The following PICK1 variants were observed in gnomAD, a reference collection of about 807,000 sequenced individuals.
PICK1 encodes the protein PRKCA-binding protein.
Under a neutral mutation model 48.9 loss-of-function variants are expected in PICK1, and 23 were observed. That is an observed-to-expected ratio of 0.47 (90% CI 0.34 to 0.67). The LOEUF (loss-of-function observed/expected upper bound fraction) is 0.67. PICK1 is among the 30% of genes least tolerant of loss of function. PICK1 has a pLI of 0.01. For missense variants in PICK1, 423 were observed against 557.1 expected, an observed-to-expected ratio of 0.76 and a Z score of 2.42; for synonymous variants, 217 against 228.2, an observed-to-expected ratio of 0.95 and a Z score of 0.44.
intron 3 of PICK1, among the ~76,000 whole-genome samples, chr22:38,060,010 G>A (rs537319960): frequency 5.9e-5 from 9 of 152,282 alleles, no homozygotes; most frequent in East Asian, 1.9e-4. Flanking sequence ...TCAGGAGTTC[G>A]AGACCAGCCT....
At position 38,069,100 on chromosome 22, in the gene PICK1, G is replaced by C. The variant is rs751057062; in HGVS notation, c.417G>C (p.Leu139=). 4.5e-5 allele frequency: 73 copies of C among 1,611,426 alleles called. No individual in the cohort carries two copies. Among genetic ancestry groups the C allele is most frequent in the Non-Finnish European group, 5.8e-5 (68 of 1,179,038 alleles). Residue 139 remains leucine, a synonymous_variant, in exon 6 of 13, where the codon CTG becomes CTC. Transcript: ENST00000356976. Reference sequence around the variant, plus strand: ...CAGGGACCGCAGATGCTCTGGGCCTGAGCCGGGCCATCCTGTGCAATGGTG... The same window carrying C: ...CAGGGACCGCAGATGCTCTGGGCCTCAGCCGGGCCATCCTGTGCAATGGTG... ...MSSGTADALG[L]SRAILCNDGL...
intron 8 of PICK1, 162 bp downstream of exon 8, chr22:38,071,906 C>G (rs755173867): frequency 8.6e-6 from 6 of 700,398 alleles, no homozygotes; most frequent in Non-Finnish European, 1.3e-5. Flanking sequence ...CGGGGAACAT[C>G]TAGATCAGCT....
Position 38,074,962 on chromosome 22 carries a change from A to T in PICK1, c.1078A>T (p.Ile360Phe). 6.2e-7 allele frequency: 1 copy of T among 1,613,738 alleles called. No individual in the cohort carries two copies. Among genetic ancestry groups the T allele is most frequent in the Non-Finnish European group, 8.5e-7 (1 of 1,180,024 alleles). Residue 360 changes from isoleucine to phenylalanine, a missense_variant, in exon 13 of 13, where the codon ATC becomes TTC. Transcript: ENST00000356976. The surrounding 1 kb of genome is among the most constrained non-coding windows in gnomAD (Gnocchi z 4.5). ...GCTGCGGGATGCCGACGTCTTCCCC[A>T]TCGAGGTAGACCTGGCGCACACCAC... is the stretch of plus-strand genomic sequence containing the variant. ...AVLRDADVFP[I>F]EVDLAHTTLA...
At position 38,066,443 on chromosome 22, in the gene PICK1, G is replaced by A. The variant is rs2085527026; in HGVS notation, c.283-1261G>A. On this transcript the variant is annotated intron_variant, in intron 4 of 12. Coordinates refer to ENST00000356976, the MANE Select transcript of PICK1 (RefSeq NM_012407.4). The surrounding 1 kb of genome is among the most constrained non-coding windows in gnomAD (Gnocchi z 4.1). ...TTGCCCATGAGGACAAGAGCTCTTTGTATTTGCACACAGCCATGACAGGGA... is the reference window on the plus strand; with the variant it reads ...TTGCCCATGAGGACAAGAGCTCTTTATATTTGCACACAGCCATGACAGGGA... Among the ~76,000 whole-genome samples the A allele has an allele frequency of 1.3e-5, 2 of 152,220 alleles. No homozygotes were observed. The highest frequency in any genetic ancestry group is 2.1e-4 in the South Asian group (1 of 4,836).
At chr22:38,058,395 G>A (rs1449690016) in intron 2 of PICK1, among the ~76,000 whole-genome samples, 1 of 152,048 alleles carries the variant, frequency 6.6e-6, no homozygotes, top group Non-Finnish European at 1.5e-5. Flanking sequence ...ACCAGTCAAT[G>A]CTAATTTATA....
Position 38,074,476 on chromosome 22 carries a change from C to T in PICK1, c.979+25C>T, listed in dbSNP as rs1227842780. The T allele has an allele frequency of 1.9e-6, 3 of 1,612,456 alleles. No individual in the cohort carries two copies. The highest frequency in any genetic ancestry group is 1.6e-4 in the Middle Eastern group (1 of 6,062). On this transcript the variant is annotated intron_variant, in intron 12 of 12. Transcript: ENST00000356976. The surrounding 1 kb of genome is among the most constrained non-coding windows in gnomAD (Gnocchi z 4.5). ...GGTGAGCGCCGCCCTCCTCCCCGTC[C>T]GCTCTCCATTTCAGAGGTGGGAAAA... is the stretch of plus-strand genomic sequence containing the variant.
chr22:38,074,497 GA>G lies in PICK1; in HGVS notation c.979+50del, dbSNP rs2085784979. The stretch of plus-strand genomic sequence containing the variant: ...CGTCCGCTCTCCATTTCAGAGGTGG[GA>G]AAACTGAGGCCCAGAGGGGTACTCT... On this transcript the variant is annotated intron_variant, in intron 12 of 12. Transcript: ENST00000356976. This position sits in a 1 kb window ranked among gnomAD's most constrained non-coding sequence, Gnocchi z 4.5. 6.2e-7 allele frequency: 1 copy of G among 1,608,092 alleles called. No individual in the cohort carries two copies. The highest frequency in any genetic ancestry group is 8.5e-7 in the Non-Finnish European group (1 of 1,177,746).
rs767801528 is a variant in PICK1, at chr22:38,075,053, C to A, written c.1169C>A (p.Thr390Lys). 6.8e-6 allele frequency: 11 copies of A among 1,613,030 alleles called. No individual in the cohort carries two copies. In the Admixed American group the frequency reaches 1.8e-4, roughly 27 times the overall value. The change falls in exon 13 of 13, where the codon ACG (threonine) becomes AAG (lysine). Residue 390 changes from threonine (T) to lysine (K), a missense_variant. Physicochemically the swap from Thr to Lys is moderately conservative, Grantham distance 78. Coordinates refer to ENST00000356976, the MANE Select transcript of PICK1 (RefSeq NM_012407.4). ...DGEEEEEEED[T>K]AAGEPSRDTR... ...GAGGAGGAGGAGGAGGAGGAAGACA[C>A]GGCAGCTGGGGAGCCGTCCAGGGAT...
rs372306469 is a variant in PICK1, at chr22:38,067,978, G to A, written c.349+208G>A. ...CTCCCTGCATCTGTTCTTGTACTCT[G>A]TCCCTGGTTTCTCACTCCCCCGCGT... On this transcript the variant is annotated intron_variant, in intron 5 of 12. Transcript: ENST00000356976. 514 of 674,466 alleles carry A rather than the reference G, an allele frequency of 7.6e-4. 1 individual carries two copies. The Middle Eastern group carries it at 0.011, about 15-fold the overall frequency. The allele number at this position is 674,466 out of a possible 1,614,324, so 41.8% of individuals were successfully genotyped here. A position where few individuals can be genotyped will look rare whatever the true frequency, so the allele number is the denominator to read the frequency against.
intron 6 of PICK1, among the ~76,000 whole-genome samples, chr22:38,070,477 C>T (rs1300994066): frequency 6.6e-6 from 1 of 152,194 alleles, no homozygotes; most frequent in Non-Finnish European, 1.5e-5. Context: ...CCCTTCTGAG[C>T]CATCTGTGTG....
In PICK1 at chr22:38,057,546, T is replaced by A; in HGVS notation, c.-99T>A. ...GAGACCCGTGGGGCGGACTCTGGGA[T>A]CTGAGCCTATCGCCCTGGCCTGGAG... On this transcript the variant is annotated 5_prime_UTR_variant, in exon 1 of 13. Coordinates refer to ENST00000356976, the MANE Select transcript of PICK1 (RefSeq NM_012407.4). 1.9e-6 allele frequency: 1 copy of A among 538,796 alleles called. No individual in the cohort carries two copies. The highest frequency in any genetic ancestry group is 3.3e-6 in the Non-Finnish European group (1 of 298,864). The allele number at this position is 538,796 out of a possible 1,614,324, so 33.4% of individuals were successfully genotyped here.
At position 38,069,023 on chromosome 22, in the gene PICK1, C is replaced by G; in HGVS notation, c.350-10C>G. 1.2e-6 allele frequency: 2 copies of G among 1,609,644 alleles called. No homozygotes were observed. Among genetic ancestry groups the G allele is most frequent in the Non-Finnish European group, 1.7e-6 (2 of 1,177,448 alleles). On this transcript the variant is annotated splice_polypyrimidine_tract_variant and intron_variant, in intron 5 of 12. Transcript: ENST00000356976. ...CCACAGACTCACCAGGTCCTTTGTC[C>G]CCCGCTCAGTGTTGAAGAAAGTCAA...
rs1250520369 is a variant in PICK1 at position 38,074,163 on chromosome 22, T to A, written c.835-144T>A. 2.0e-6 allele frequency: 2 copies of A among 1,019,554 alleles called. No individual in the cohort carries two copies. The highest frequency in any genetic ancestry group is 2.9e-6 in the Non-Finnish European group (2 of 687,304). The allele number at this position is 1,019,554 out of a possible 1,614,324, so 63.2% of individuals were successfully genotyped here. A position where few individuals can be genotyped will look rare whatever the true frequency, so the allele number is the denominator to read the frequency against. On this transcript the variant is annotated intron_variant, in intron 11 of 12. Coordinates refer to ENST00000356976, the MANE Select transcript of PICK1 (RefSeq NM_012407.4). The surrounding 1 kb of genome is among the most constrained non-coding windows in gnomAD (Gnocchi z 4.5). Reference sequence around the variant, plus strand: ...GGTTTGGGTTTGGTTTTTTCCTCTCTTCAAAGCTATCACTGAGTGCTTCTG... The same window carrying A: ...GGTTTGGGTTTGGTTTTTTCCTCTCATCAAAGCTATCACTGAGTGCTTCTG...
intron 2 of PICK1, chr22:38,058,087 G>T (rs1162743826): frequency 3.4e-6 from 2 of 581,114 alleles, no homozygotes; most frequent in Non-Finnish European, 6.2e-6. Context: ...GTGACAAGAA[G>T]AGCAAAGCAG....
Position 38,074,530 on chromosome 22 carries a change from C to CG in PICK1, c.979+79_979+80insG. Reference sequence around the variant, plus strand: ...AGGCCCAGAGGGGTACTCTCAGGGCCAGGCCACGGCCCAGATGTAAAGCCC... The same window carrying CG: ...AGGCCCAGAGGGGTACTCTCAGGGCCGAGGCCACGGCCCAGATGTAAAGCCC... On this transcript the variant is annotated intron_variant, in intron 12 of 12. Transcript: ENST00000356976. The surrounding 1 kb of genome is among the most constrained non-coding windows in gnomAD (Gnocchi z 4.5). 1 of 1,557,892 alleles carries CG rather than the reference C, an allele frequency of 6.4e-7. No individual in the cohort carries two copies. Among genetic ancestry groups the CG allele is most frequent in the Non-Finnish European group, 8.7e-7 (1 of 1,143,296 alleles).
At position 38,073,556 on chromosome 22, in the gene PICK1, C is replaced by A. The variant is rs892784730; in HGVS notation, c.784-217C>A. Among the ~76,000 whole-genome samples, 1 of 152,218 alleles carries A rather than the reference C, an allele frequency of 6.6e-6. No individual in the cohort carries two copies. The highest frequency in any genetic ancestry group is 6.5e-5 in the Admixed American group (1 of 15,280). On this transcript the variant is annotated intron_variant, in intron 10 of 12. Transcript: ENST00000356976. The surrounding 1 kb of genome is among the most constrained non-coding windows in gnomAD (Gnocchi z 5.7). ...CTTCCTAAGCTCCTTTAACGACAGA[C>A]CCCTTTTTCCCCAGAGCATCTCTTG...
chr22:38,059,333 C>T lies in PICK1; in HGVS notation c.141C>T (p.Leu47=). 9 of 1,558,152 alleles carry T rather than the reference C, an allele frequency of 5.8e-6. No individual in the cohort carries two copies. Among genetic ancestry groups the T allele is most frequent in the Non-Finnish European group, 6.1e-6 (7 of 1,150,078 alleles). The part of the protein sequence containing the change: ...IGGGAQYCPC[L]YIVQVFDNTP... The stretch of plus-strand genomic sequence containing the variant: ...GAGGGGCCCAGTACTGTCCCTGCCT[C>T]TATATCGTCCAGGTATTGGGCGCTT... Residue 47 remains leucine (L), a synonymous_variant, in exon 3 of 13, where the codon CTC becomes CTT. Transcript: ENST00000356976.
At position 38,065,781 on chromosome 22, in the gene PICK1, G is replaced by A. The variant is rs551657191; in HGVS notation, c.282+651G>A. Among the ~76,000 whole-genome samples the A allele has an allele frequency of 9.7e-4, 148 of 152,278 alleles. 1 individual carries two copies. The highest frequency in any genetic ancestry group is 3.3e-3 in the African/African-American group (139 of 41,554). ...TGCAGCCCCTTTGCCATTTCCTAGC[G>A]AAGTGGCTGCTAGCTAGTCTCAGGA... On this transcript the variant is annotated intron_variant, in intron 4 of 12. Transcript: ENST00000356976.
intron 7 of PICK1, among the ~76,000 whole-genome samples, 183 bp from the exon 8 acceptor site, chr22:38,071,499 G>T (rs1038043020): frequency 6.6e-6 from 1 of 152,210 alleles, no homozygotes. Flanking sequence ...TGTCTGATGG[G>T]GCTCCTCACG....
Sources: gnomAD v4.1 joint callset for allele counts (sites outside exome capture counted in the v4.1 genomes callset) on GRCh38, gnomAD v4.1.1 for gene constraint, Gnocchi (gnomAD v3.1) non-coding constraint, MANE v1.5 for transcripts, NCBI Gene and HGNC (gene_info 2026-07-23, HGNC 2026-07-21) for gene names.